TBX5: variants seen among roughly 807,000 people sequenced by gnomAD.
The protein encoded by TBX5 is T-box transcription factor 5.
A neutral mutation model predicts 51.1 loss-of-function variants in TBX5; 8 were observed. The ratio of observed to expected loss-of-function variants is 0.16; its 90% confidence interval spans 0.09 to 0.28. The LOEUF is 0.28. Among genes scored for constraint, TBX5 ranks in the 10% least tolerant of loss-of-function variants. TBX5 has a pLI of 1.00. For missense variants in TBX5, 589 were observed against 671.7 expected (o/e 0.88, Z 1.36); for synonymous variants, 302 against 266.4 (o/e 1.13, Z -1.30).
intron 6 of TBX5, among the ~76,000 whole-genome samples, chr12:114,389,424 T>C (rs1326459933): frequency 1.3e-5 from 2 of 152,068 alleles, no homozygotes; most frequent in African/African-American, 4.8e-5. Context: ...CATCTCTTAA[T>C]GGACTTGCAA....
intron 5 of TBX5, 48 bp downstream of exon 5, chr12:114,398,525 A>C: frequency 6.3e-7 from 1 of 1,596,676 alleles, no homozygotes; most frequent in Non-Finnish European, 8.5e-7. Context: ...AAGAAGGGAG[A>C]GAGGACAAGA....
intron 8 of TBX5, among the ~76,000 whole-genome samples, chr12:114,361,327 A>G (rs1034052193): frequency 2.0e-5 from 3 of 152,164 alleles, no homozygotes; most frequent in African/African-American, 7.2e-5. Context: ...TTCCATATCG[A>G]ATTCCCCTTC....
rs1267025957 is a variant in TBX5 at position 114,399,391 on chromosome 12, C to T, written c.362+122G>A. On this transcript the variant is annotated intron_variant, in intron 4 of 8. Coordinates refer to ENST00000405440, the MANE Select transcript of TBX5 (RefSeq NM_181486.4). ...AAAAGCAATGGGATAGGCGGACAGA[C>T]GCCTTTAGCACACAGTAGGAACTAA... is the stretch of plus-strand genomic sequence containing the variant. 5 of 1,386,384 alleles carry T rather than the reference C, an allele frequency of 3.6e-6. 1 individual carries two copies. The highest frequency in any genetic ancestry group is 3.5e-5 in the Admixed American group (2 of 56,358). 85.9% of individuals were successfully genotyped at this position (1,386,384 alleles called of 1,614,324 possible). A position where few individuals can be genotyped will look rare whatever the true frequency, so the allele number is the denominator to read the frequency against.
At chr12:114,396,266 C>G (rs1185298230) in intron 5 of TBX5, among the ~76,000 whole-genome samples, 1 of 151,808 alleles carries the variant, frequency 6.6e-6, no homozygotes, top group Non-Finnish European at 1.5e-5. Flanking sequence ...ATAGCGACGC[C>G]GACCGGGGCG....
intron 6 of TBX5, among the ~76,000 whole-genome samples, chr12:114,386,487 G>A (rs539273316): frequency 1.3e-5 from 2 of 152,074 alleles, no homozygotes; most frequent in Non-Finnish European, 2.9e-5. Flanking sequence ...GTCATTCAAG[G>A]TTTTCTTTCA....
chr12:114,388,200 C>G (rs774200320), intron 6 of TBX5, among the ~76,000 whole-genome samples: 2 of 152,204 alleles, frequency 1.3e-5, no homozygotes, highest in Non-Finnish European at 2.9e-5. Flanking sequence ...CTCTGTCACT[C>G]AGGCTGGAGT....
At chr12:114,371,565 G>A (rs370532237) in intron 7 of TBX5, among the ~76,000 whole-genome samples, 49 of 150,904 alleles carry the variant, frequency 3.2e-4, no homozygotes, top group Admixed American at 1.7e-3. Flanking sequence ...GGCAGGGGGC[G>A]CTGGCATGTT....
chr12:114,388,211 G>GCA (rs1227093657), intron 6 of TBX5, among the ~76,000 whole-genome samples: 1 of 152,184 alleles, frequency 6.6e-6, no homozygotes. Context: ...AGGCTGGAGT[G>GCA]CACTGGCACG....
At position 114,398,560 on chromosome 12, in the gene TBX5, C is replaced by A. The variant is rs192482520; in HGVS notation, c.510+13G>T. 2.7e-5 allele frequency: 44 copies of A among 1,611,630 alleles called. No individual in the cohort carries two copies. In the Admixed American group the frequency reaches 6.0e-4, roughly 22 times the overall value. ...AGGGAGACAAGGCGGGGAATCCAGGCCACGGTACTCACATGCCCAAATGGG... is the reference window on the plus strand; with the variant it reads ...AGGGAGACAAGGCGGGGAATCCAGGACACGGTACTCACATGCCCAAATGGG... On this transcript the variant is annotated intron_variant, in intron 5 of 8. Transcript: ENST00000405440.
At chr12:114,402,026 C>A (rs1871849717) in intron 2 of TBX5, 106 bp from the exon 3 acceptor site, 3 of 1,019,580 alleles carry the variant, frequency 2.9e-6, no homozygotes, top group East Asian at 2.5e-5. Context: ...CCCGCTGGAG[C>A]CTGTGGTCTC....
At position 114,405,619 on chromosome 12, in the gene TBX5, G is replaced by A. The variant is rs1046473245; in HGVS notation, c.-39+9C>T. On this transcript the variant is annotated intron_variant, in intron 1 of 8. Transcript: ENST00000405440. ...CTGAGCCTCCCGGGCCATCTGCCGG[G>A]ACGGTTACCTCGTTCGGTGAAGCCG... The A allele has an allele frequency of 2.5e-5, 22 of 872,286 alleles. No homozygotes were observed. In the African/African-American group the frequency reaches 2.9e-4, roughly 12 times the overall value. 54.0% of individuals were successfully genotyped at this position (872,286 alleles called of 1,614,324 possible).
At chr12:114,397,202 C>T (rs1243509370) in intron 5 of TBX5, among the ~76,000 whole-genome samples, 2 of 152,222 alleles carry the variant, frequency 1.3e-5, no homozygotes, top group South Asian at 2.1e-4. Context: ...CTGAAATCGG[C>T]GACCATGCGC....
chr12:114,390,659 C>T, intron 6 of TBX5, among the ~76,000 whole-genome samples: 1 of 152,202 alleles, frequency 6.6e-6, no homozygotes, highest in Non-Finnish European at 1.5e-5. Flanking sequence ...AGACTCCTTA[C>T]ACAATGATTT....
intron 5 of TBX5, among the ~76,000 whole-genome samples, 192 bp from the exon 6 acceptor site, chr12:114,395,085 C>T (rs142734695): frequency 6.6e-6 from 1 of 152,076 alleles, no homozygotes; most frequent in Non-Finnish European, 1.5e-5. Context: ...AATTTCCAAC[C>T]GAAAAAGCCA....
At chr12:114,362,715 A>G (rs1593843518) in intron 8 of TBX5, among the ~76,000 whole-genome samples, 1 of 151,972 alleles carries the variant, frequency 6.6e-6, no homozygotes, top group African/African-American at 2.4e-5. Context: ...CACAGGCTGG[A>G]GTGCAGTGGT....
chr12:114,407,568 C>A (rs1277723608), upstream of TBX5, among the ~76,000 whole-genome samples: 1 of 152,328 alleles, frequency 6.6e-6, no homozygotes, highest in East Asian at 1.9e-4. Context: ...GGTAATAGCC[C>A]AGCCAGATTT....
intron 7 of TBX5, among the ~76,000 whole-genome samples, chr12:114,380,946 A>G (rs1042260743): frequency 1.3e-5 from 2 of 152,140 alleles, no homozygotes; most frequent in African/African-American, 4.8e-5. Context: ...CAGATTGATT[A>G]ACCTTTCTAA....
At chr12:114,356,952 T>C (rs1053715582) in intron 8 of TBX5, among the ~76,000 whole-genome samples, 2 of 152,194 alleles carry the variant, frequency 1.3e-5, no homozygotes, top group African/African-American at 4.8e-5. Flanking sequence ...TTTTTCACTG[T>C]CTTGATACAT....
At chr12:114,370,474 A>T (rs958023054) in intron 7 of TBX5, among the ~76,000 whole-genome samples, 5 of 152,098 alleles carry the variant, frequency 3.3e-5, no homozygotes, top group African/African-American at 1.2e-4. Context: ...CTAATACTTT[A>T]AAAAAAGCAC....
Sources: gnomAD v4.1 joint callset for allele counts (sites outside exome capture counted in the v4.1 genomes callset) on GRCh38, gnomAD v4.1.1 for gene constraint, MANE v1.5 for transcripts, NCBI Gene and HGNC (gene_info 2026-07-23, HGNC 2026-07-21) for gene names.